LHX4: variants seen among roughly 807,000 people sequenced by gnomAD.
LHX4 encodes the protein LIM/homeobox protein Lhx4.
Under a neutral mutation model 39.2 loss-of-function variants are expected in LHX4, and 16 were observed. The ratio of observed to expected loss-of-function variants is 0.41; its 90% CI spans 0.28 to 0.62. The LOEUF is 0.62. Among genes scored for constraint, LHX4 ranks in the 20% least tolerant of loss-of-function variants. The pLI is 0.33. For synonymous variants in LHX4, 206 were observed against 198.1 expected (o/e 1.04, Z -0.33); for missense variants, 439 against 511.9 (o/e 0.86, Z 1.37).
chr1:180,235,452 C>T (rs551839303), intron 1 of LHX4, among the ~76,000 whole-genome samples: 2 of 152,354 alleles, frequency 1.3e-5, no homozygotes, highest in Non-Finnish European at 2.9e-5. Flanking sequence ...TCGTTCCAAG[C>T]ATTTGGAATG....
At chr1:180,249,332 G>A (rs999420316) in intron 2 of LHX4, among the ~76,000 whole-genome samples, 1 of 152,204 alleles carries the variant, frequency 6.6e-6, no homozygotes, top group Non-Finnish European at 1.5e-5. Context: ...CCTCCTGGAA[G>A]GTGTTTTCCA....
intron 3 of LHX4, among the ~76,000 whole-genome samples, chr1:180,269,112 T>C (rs887350894): frequency 7.0e-6 from 1 of 142,878 alleles, no homozygotes; most frequent in South Asian, 2.4e-4. Context: ...TAAGACTAAT[T>C]TTCCTGTAGG....
At chr1:180,240,068 A>C (rs1313530653) in intron 1 of LHX4, among the ~76,000 whole-genome samples, 1 of 152,224 alleles carries the variant, frequency 6.6e-6, no homozygotes, top group African/African-American at 2.4e-5. Flanking sequence ...TTCATCCAGA[A>C]GGCAGTTAAA....
chr1:180,249,024 A>C (rs1258095097), intron 2 of LHX4, among the ~76,000 whole-genome samples: 1 of 152,220 alleles, frequency 6.6e-6, no homozygotes. Context: ...AGGCAGTTTC[A>C]TGTGATGGTT....
chr1:180,261,190 G>A (rs1474164720), intron 2 of LHX4, among the ~76,000 whole-genome samples: 5 of 148,726 alleles, frequency 3.4e-5, no homozygotes, highest in Non-Finnish European at 7.4e-5. Flanking sequence ...GGTGTGTCGG[G>A]AGGCTCGGGA....
intron 1 of LHX4, among the ~76,000 whole-genome samples, chr1:180,235,607 G>T (rs1403118732): frequency 6.6e-6 from 1 of 152,272 alleles, no homozygotes; most frequent in Non-Finnish European, 1.5e-5. Context: ...CGTTCTGCGG[G>T]TGTTCGAGCC....
In LHX4 at chr1:180,234,970, T is replaced by G. The variant is rs1034896595; in HGVS notation, c.76+4365T>G. 6.6e-6 allele frequency among the ~76,000 whole-genome samples: 1 copy of G among 152,182 alleles called. No individual in the cohort carries two copies. The highest frequency in any genetic ancestry group is 1.5e-5 in the Non-Finnish European group (1 of 68,022). On this transcript the variant is annotated intron_variant, in intron 1 of 5. Coordinates refer to ENST00000263726, the MANE Select transcript of LHX4 (RefSeq NM_033343.4). This position sits in a 1 kb window ranked among gnomAD's most constrained non-coding sequence, Gnocchi z 4.8. ...ATGAATTCTTTAAATGAGCGTTTGCTGCGCACCCATGGGCGGCTCACGATC... is the reference window on the plus strand; with the variant it reads ...ATGAATTCTTTAAATGAGCGTTTGCGGCGCACCCATGGGCGGCTCACGATC...
chr1:180,237,579 A>G (rs1202557958), intron 1 of LHX4, among the ~76,000 whole-genome samples: 1 of 152,100 alleles, frequency 6.6e-6, no homozygotes, highest in Non-Finnish European at 1.5e-5. Flanking sequence ...CTGACTGGAA[A>G]GTCGTCTTGG....
intron 1 of LHX4, among the ~76,000 whole-genome samples, chr1:180,239,395 C>A (rs1214145740): frequency 1.3e-5 from 2 of 152,222 alleles, no homozygotes; most frequent in Non-Finnish European, 2.9e-5. Context: ...AAAACATTTG[C>A]ATACTATTTC....
At chr1:180,238,259 C>T (rs1261453144) in intron 1 of LHX4, among the ~76,000 whole-genome samples, 2 of 152,186 alleles carry the variant, frequency 1.3e-5, no homozygotes, top group Non-Finnish European at 2.9e-5. Context: ...TTCAAAGGCA[C>T]CCCAAGCCAC....
chr1:180,262,799 C>T (rs1648162571), intron 2 of LHX4, among the ~76,000 whole-genome samples: 2 of 152,136 alleles, frequency 1.3e-5, no homozygotes, highest in Non-Finnish European at 2.9e-5. Flanking sequence ...TTTGCTCATT[C>T]GTTCATTCAT....
At chr1:180,250,039 T>C (rs1235375222) in intron 2 of LHX4, among the ~76,000 whole-genome samples, 1 of 152,030 alleles carries the variant, frequency 6.6e-6, no homozygotes, top group Admixed American at 6.6e-5. Context: ...GTGACATGGG[T>C]GCCCGGCAAG....
intron 2 of LHX4, among the ~76,000 whole-genome samples, chr1:180,251,984 C>T (rs1647646384): frequency 6.6e-6 from 1 of 152,310 alleles, no homozygotes; most frequent in East Asian, 1.9e-4. Context: ...ATTCATAGCC[C>T]TCACCAAGCT....
chr1:180,244,400 T>C (rs12124504), intron 1 of LHX4, among the ~76,000 whole-genome samples: 29,244 of 152,026 alleles, frequency 0.19, 2,955 homozygotes, highest in African/African-American at 0.22. Flanking sequence ...CGCGGATCCT[T>C]TCCTCCAAGC....
rs1648308435 is a variant in LHX4, at chr1:180,266,280, G to A, written c.249-112G>A. 17 of 999,392 alleles carry A rather than the reference G, an allele frequency of 1.7e-5. No homozygotes were observed. In the South Asian group the frequency reaches 2.1e-4, roughly 12 times the overall value. The allele number at this position is 999,392 out of a possible 1,614,324, so 61.9% of individuals were successfully genotyped here. On this transcript the variant is annotated intron_variant, in intron 2 of 5. Transcript: ENST00000263726. This position sits in a 1 kb window ranked among gnomAD's most constrained non-coding sequence, Gnocchi z 5.7. The stretch of plus-strand genomic sequence containing the variant: ...TAAGCTCTGGGTGACTGGGGGGTGA[G>A]GCTCATGGAGTCCCGGAGTGGTGGG...
chr1:180,230,540 G>C lies in LHX4; in HGVS notation c.11G>C (p.Ser4Thr). 11 of 1,613,876 alleles carry C rather than the reference G, an allele frequency of 6.8e-6. No homozygotes were observed. Among genetic ancestry groups the C allele is most frequent in the Non-Finnish European group, 8.5e-6 (10 of 1,179,942 alleles). MMQ[S>T]ATVPAEGAVK... Reference sequence around the variant, plus strand: ...GGCTTTCGCTCCGAGATGATGCAGAGTGCGACTGTCCCCGCGGAAGGGGCT... The same window carrying C: ...GGCTTTCGCTCCGAGATGATGCAGACTGCGACTGTCCCCGCGGAAGGGGCT... The change falls in exon 1 of 6, where the codon AGT (serine) becomes ACT (threonine). Residue 4 changes from serine (S) to threonine (T), a missense_variant. Coordinates refer to ENST00000263726, the MANE Select transcript of LHX4 (RefSeq NM_033343.4). The surrounding 1 kb of genome is among the most constrained non-coding windows in gnomAD (Gnocchi z 5.8).
chr1:180,234,217 A>G lies in LHX4; in HGVS notation c.76+3612A>G, dbSNP rs1664258167. 1.3e-5 allele frequency among the ~76,000 whole-genome samples: 1 copy of G among 74,956 alleles called. No individual in the cohort carries two copies. Among genetic ancestry groups the G allele is most frequent in the Non-Finnish European group, 2.4e-5 (1 of 41,046 alleles). 49.2% of individuals were successfully genotyped at this position (74,956 alleles called of 152,430 possible). ...TATATATATATATATATATATATAT[A>G]TATAATAGATTGAGATTCTATCATA... On this transcript the variant is annotated intron_variant, in intron 1 of 5. Transcript: ENST00000263726. The surrounding 1 kb of genome is among the most constrained non-coding windows in gnomAD (Gnocchi z 4.8).
Position 180,266,357 on chromosome 1 carries a change from C to T in LHX4, c.249-35C>T. 1.2e-6 allele frequency: 2 copies of T among 1,610,266 alleles called. No homozygotes were observed. Among genetic ancestry groups the T allele is most frequent in the Non-Finnish European group, 1.7e-6 (2 of 1,176,988 alleles). ...TGGGGGAAGCCAGATCCCTTGCTCC[C>T]TGTGTGCCCTAATCCTTTCCTGCTG... On this transcript the variant is annotated intron_variant, in intron 2 of 5. Coordinates refer to ENST00000263726, the MANE Select transcript of LHX4 (RefSeq NM_033343.4). This position sits in a 1 kb window ranked among gnomAD's most constrained non-coding sequence, Gnocchi z 5.7.
Position 180,234,952 on chromosome 1 carries a change from C to A in LHX4, c.76+4347C>A, listed in dbSNP as rs73042431. 5.2e-3 allele frequency among the ~76,000 whole-genome samples: 791 copies of A among 152,334 alleles called. 8 individuals are homozygous for A. The highest frequency in any genetic ancestry group is 0.018 in the African/African-American group (754 of 41,592). On this transcript the variant is annotated intron_variant, in intron 1 of 5. Coordinates refer to ENST00000263726, the MANE Select transcript of LHX4 (RefSeq NM_033343.4). This position sits in a 1 kb window ranked among gnomAD's most constrained non-coding sequence, Gnocchi z 4.8. ...TGGCCCGGGGAACAGACGATGAATT[C>A]TTTAAATGAGCGTTTGCTGCGCACC...
Sources: gnomAD v4.1 joint callset for allele counts (sites outside exome capture counted in the v4.1 genomes callset) on GRCh38, gnomAD v4.1.1 for gene constraint, Gnocchi (gnomAD v3.1) non-coding constraint, MANE v1.5 for transcripts, NCBI Gene and HGNC (gene_info 2026-07-23, HGNC 2026-07-21) for gene names.